LEO1: variants seen among roughly 807,000 people sequenced by gnomAD.
LEO1 encodes LEO1 component of Paf1/RNA polymerase II complex.
Under a neutral mutation model 80.4 loss-of-function variants are expected in LEO1, and 34 were observed. That is an observed-to-expected ratio of 0.42 (90% CI 0.32 to 0.56). LEO1 has a LOEUF of 0.56. Ranked by LOEUF, LEO1 falls within the 20% of genes least tolerant of loss-of-function variation. LEO1 has a pLI of 0.10. For synonymous variants in LEO1, 262 were observed against 274.9 expected (o/e 0.95, Z 0.46); for missense variants, 631 against 814.2 (o/e 0.77, Z 2.74).
At chr15:51,943,564 G>A (rs1850386407) in intron 11 of LEO1, among the ~76,000 whole-genome samples, 1 of 151,764 alleles carries the variant, frequency 6.6e-6, no homozygotes, top group African/African-American at 2.4e-5. Context: ...GCCAGGCATG[G>A]TGGCATGTGC....
chr15:51,966,049 C>T lies in LEO1; in HGVS notation c.514G>A (p.Asp172Asn), dbSNP rs2057074187. Residue 172 changes from aspartate (D) to asparagine (N), a missense_variant, in exon 2 of 12, where the codon GAT (aspartate) becomes AAT (asparagine). By Grantham distance (23) the Asp-to-Asn change is conservative. This residue lies in a region of LEO1 where 394 missense variants were observed against 395.6 expected (regional missense o/e 1.00). Transcript: ENST00000299601. ...TCAGAATTCTGCAGCTTATCTTCATCAGATCCTTGTGCCCTCTCCTCATCA... is the reference window on the plus strand; with the variant it reads ...TCAGAATTCTGCAGCTTATCTTCATTAGATCCTTGTGCCCTCTCCTCATCA... Reference protein sequence around the residue: ...SDDEERAQGSDEDKLQNSDDD... With the variant: ...SDDEERAQGSNEDKLQNSDDD... The T allele has an allele frequency of 1.9e-6, 3 of 1,614,088 alleles. No homozygotes were observed. Among genetic ancestry groups the T allele is most frequent in the Non-Finnish European group, 2.5e-6 (3 of 1,180,038 alleles).
chr15:51,960,921 G>A (rs1392430311), intron 3 of LEO1, among the ~76,000 whole-genome samples, 188 bp from the exon 4 acceptor site: 1 of 152,172 alleles, frequency 6.6e-6, no homozygotes, highest in African/African-American at 2.4e-5. Context: ...CAAATCTAGT[G>A]AAAGGCAAGC....
chr15:51,970,343 G>C (rs1018509569), intron 1 of LEO1, among the ~76,000 whole-genome samples: 1 of 152,140 alleles, frequency 6.6e-6, no homozygotes, highest in African/African-American at 2.4e-5. Context: ...ATTTTTAGTA[G>C]AGACAGGGTT....
Position 51,966,111 on chromosome 15 carries a change from C to T in LEO1, c.452G>A (p.Ser151Asn). ...TATCTTTTCATCATCTGACTGGTCA[C>T]TTTTATCTTCTCTGCCCCATTTTTC... is the stretch of plus-strand genomic sequence containing the variant. ...DDEKWGREDK[S>N]DQSDDEKIQN... The change falls in exon 2 of 12, where the codon AGT (serine) becomes AAT (asparagine). Residue 151 changes from serine (S) to asparagine (N), a missense_variant. Physicochemically the swap from Ser to Asn is conservative, Grantham distance 46. This residue lies in a region of LEO1 where 394 missense variants were observed against 395.6 expected (regional missense o/e 1.00). Coordinates refer to ENST00000299601, the MANE Select transcript of LEO1 (RefSeq NM_138792.4). The T allele has an allele frequency of 1.2e-6, 2 of 1,614,050 alleles. No homozygotes were observed. The highest frequency in any genetic ancestry group is 1.7e-6 in the Non-Finnish European group (2 of 1,180,036).
intron 11 of LEO1, among the ~76,000 whole-genome samples, chr15:51,940,953 C>G (rs990292764): frequency 1.9e-4 from 29 of 151,898 alleles, no homozygotes; most frequent in African/African-American, 7.0e-4. Flanking sequence ...CAAAAATTAG[C>G]CAGGCATGGA....
chr15:51,947,005 C>G (rs991669736), intron 11 of LEO1: 2 of 364,846 alleles, frequency 5.5e-6, no homozygotes, highest in East Asian at 1.4e-4. Context: ...TCCATCTATC[C>G]GGAGTGACCT....
intron 1 of LEO1, among the ~76,000 whole-genome samples, chr15:51,968,222 C>T (rs1234491030): frequency 6.6e-6 from 1 of 151,348 alleles, no homozygotes; most frequent in East Asian, 1.9e-4. Context: ...AAGTTAAGTT[C>T]AAAACTGGTT....
At chr15:51,956,185 A>AG (rs1009623251) in intron 6 of LEO1, among the ~76,000 whole-genome samples, 4 of 152,196 alleles carry the variant, frequency 2.6e-5, no homozygotes, top group African/African-American at 9.7e-5. Context: ...TGGGAGGCCG[A>AG]GGCAGGCAGA....
At chr15:51,951,110 G>A (rs2056945212) in intron 9 of LEO1, among the ~76,000 whole-genome samples, 1 of 152,222 alleles carries the variant, frequency 6.6e-6, no homozygotes, top group Non-Finnish European at 1.5e-5. Flanking sequence ...TGTAAGAAAG[G>A]CCCTGAGGTA....
intron 1 of LEO1, 121 bp downstream of exon 1, chr15:51,971,567 G>T: frequency 2.1e-6 from 2 of 950,182 alleles, no homozygotes; most frequent in Non-Finnish European, 3.4e-6. Flanking sequence ...TGCAGGGGGC[G>T]CTGAGGCAGG....
At chr15:51,954,123 C>T (rs1307931564) in intron 7 of LEO1, among the ~76,000 whole-genome samples, 2 of 151,686 alleles carry the variant, frequency 1.3e-5, no homozygotes, top group Non-Finnish European at 2.9e-5. Flanking sequence ...TGGGGTTTCA[C>T]CATCTTGGCC....
At chr15:51,958,679 C>T in intron 6 of LEO1, 63 bp downstream of exon 6, 3 of 984,288 alleles carry the variant, frequency 3.0e-6, no homozygotes, top group Non-Finnish European at 4.8e-6. Context: ...GCTCAAGTTT[C>T]AAGTTAGTAT....
rs541823821 is a variant in LEO1 at position 51,939,797 on chromosome 15, T to G, written c.1897-1537A>C. On this transcript the variant is annotated intron_variant, in intron 11 of 11. Coordinates refer to ENST00000299601, the MANE Select transcript of LEO1 (RefSeq NM_138792.4). ...TTTAATGAGATGAAATTTGAATCAC[T>G]AAAAGAACTAGCATGGTAATTCTAA... 3.3e-5 allele frequency among the ~76,000 whole-genome samples: 5 copies of G among 152,330 alleles called. No individual in the cohort carries two copies. In the East Asian group the frequency reaches 9.6e-4, roughly 29 times the overall value.
At chr15:51,950,443 G>C (rs1464007870) in intron 9 of LEO1, among the ~76,000 whole-genome samples, 1 of 152,134 alleles carries the variant, frequency 6.6e-6, no homozygotes, top group Non-Finnish European at 1.5e-5. Context: ...AGATATTCTG[G>C]TCCCAGCCCC....
chr15:51,947,672 T>C (rs2056913641), intron 10 of LEO1, among the ~76,000 whole-genome samples: 1 of 144,728 alleles, frequency 6.9e-6, no homozygotes, highest in African/African-American at 2.7e-5. Context: ...CGATCCTCCT[T>C]CTTCAGCCCC....
chr15:51,946,070 CTCTTA>C (rs2056898669), intron 11 of LEO1, among the ~76,000 whole-genome samples: 1 of 151,698 alleles, frequency 6.6e-6, no homozygotes, highest in African/African-American at 2.4e-5. Context: ...AGGGCCTATT[CTCTTA>C]TAATATGAAA....
At position 51,966,022 on chromosome 15, in the gene LEO1, C is replaced by G. The variant is rs376150994; in HGVS notation, c.541G>C (p.Asp181His). The G allele has an allele frequency of 1.4e-5, 23 of 1,614,026 alleles. No homozygotes were observed. Among genetic ancestry groups the G allele is most frequent in the Admixed American group, 1.7e-5 (1 of 59,994 alleles). Residue 181 changes from aspartate (D) to histidine (H), a missense_variant, in exon 2 of 12, where the codon GAT becomes CAT. This residue lies in a region of LEO1 where 394 missense variants were observed against 395.6 expected (regional missense o/e 1.00). Transcript: ENST00000299601. ...TCTGTGTTCTGCATTTTCTCATCAT[C>G]GTCAGAATTCTGCAGCTTATCTTCA... ...SDEDKLQNSD[D>H]DEKMQNTDDE...
intron 1 of LEO1, among the ~76,000 whole-genome samples, chr15:51,968,413 C>A (rs922752927): frequency 6.6e-6 from 1 of 151,918 alleles, no homozygotes; most frequent in Non-Finnish European, 1.5e-5. Flanking sequence ...TGGGGGCACA[C>A]GCCTGTAATC....
chr15:51,965,687 T>A, intron 2 of LEO1, 62 bp downstream of exon 2: 1 of 1,524,550 alleles, frequency 6.6e-7, no homozygotes, highest in East Asian at 2.3e-5. Flanking sequence ...AAAGACTAAA[T>A]GGGTCCCTGC....
Sources: gnomAD v4.1 joint callset for allele counts (sites outside exome capture counted in the v4.1 genomes callset) on GRCh38, gnomAD v4.1.1 for gene constraint, gnomAD v4.1.1 regional missense constraint, MANE v1.5 for transcripts, NCBI Gene and HGNC (gene_info 2026-07-23, HGNC 2026-07-21) for gene names.